Variants in EPB41L2 observed in about 807,000 individuals in gnomAD.
The protein encoded by EPB41L2 is band 4.1-like protein 2.
EPB41L2 carries 43 observed loss-of-function variants against 113.0 expected under a neutral mutation model. The ratio of observed to expected loss-of-function variants is 0.38; its 90% CI spans 0.30 to 0.49. The LOEUF (loss-of-function observed/expected upper bound fraction) is 0.49, where lower values mean the gene tolerates loss of function less well. Ranked by LOEUF, EPB41L2 falls within the 20% of genes least tolerant of loss-of-function variation. EPB41L2 has a pLI of 0.95. For missense variants in EPB41L2, 1,147 were observed against 1,223.4 expected (o/e 0.94, Z 0.93); for synonymous variants, 442 against 436.7 (o/e 1.01, Z -0.15).
chr6:130,954,036 C>CTTTT (rs1816328530), intron 3 of EPB41L2, among the ~76,000 whole-genome samples: 19 of 45,516 alleles, frequency 4.2e-4, no homozygotes, highest in African/African-American at 1.0e-3. Context: ...TAGTCCTTTT[C>CTTTT]TTTCTTTTTT....
At chr6:131,052,194 C>A (rs546091153) in intron 1 of EPB41L2, among the ~76,000 whole-genome samples, 13 of 152,274 alleles carry the variant, frequency 8.5e-5, no homozygotes, top group Admixed American at 7.8e-4. Flanking sequence ...GCCTCAGCCT[C>A]CCGAAGTGCT....
rs1583323831 is a variant in EPB41L2 at position 130,908,747 on chromosome 6, T to C, written c.853+74A>G. The C allele has an allele frequency of 2.5e-6, 3 of 1,190,960 alleles. No homozygotes were observed. In the East Asian group the frequency reaches 7.1e-5, roughly 28 times the overall value. The allele number at this position is 1,190,960 out of a possible 1,614,324, so 73.8% of individuals were successfully genotyped here. ...AAATGCAAAATAGAACTGACCATTC[T>C]ATTACTGATCATTTATATCACAAAT... On this transcript the variant is annotated intron_variant, in intron 5 of 19. Coordinates refer to ENST00000337057, the MANE Select transcript of EPB41L2 (RefSeq NM_001431.4).
At chr6:130,847,436 C>T (rs1777377218) in intron 19 of EPB41L2, among the ~76,000 whole-genome samples, 1 of 152,108 alleles carries the variant, frequency 6.6e-6, no homozygotes, top group African/African-American at 2.4e-5. Flanking sequence ...ACATAACAGG[C>T]TCATAATATA....
At chr6:130,869,329 C>T (rs1784886921) in intron 15 of EPB41L2, among the ~76,000 whole-genome samples, 1 of 152,140 alleles carries the variant, frequency 6.6e-6, no homozygotes, top group African/African-American at 2.4e-5. Context: ...TGATGTGGTG[C>T]TTCTAGGAAA....
chr6:131,027,221 G>GT lies in EPB41L2; in HGVS notation c.-15+35933dup, dbSNP rs534725047. Among the ~76,000 whole-genome samples, 223 of 152,188 alleles carry GT rather than the reference G, an allele frequency of 1.5e-3. 1 individual carries two copies. The highest frequency in any genetic ancestry group is 2.5e-3 in the Non-Finnish European group (171 of 68,006). ...ATCAGGGCTGGGTTTGGAGTTATTG[G>GT]TTTTTTTGTTTGTTTTTTTGTCTTT... On this transcript the variant is annotated intron_variant, in intron 1 of 19. Coordinates refer to ENST00000337057, the MANE Select transcript of EPB41L2 (RefSeq NM_001431.4).
chr6:131,034,739 C>T (rs1792947258), intron 1 of EPB41L2, among the ~76,000 whole-genome samples: 1 of 152,126 alleles, frequency 6.6e-6, no homozygotes, highest in African/African-American at 2.4e-5. Context: ...GTCCTGAAAA[C>T]TATACTTGAA....
At chr6:130,917,451 C>T (rs1338083511) in intron 4 of EPB41L2, among the ~76,000 whole-genome samples, 1 of 152,098 alleles carries the variant, frequency 6.6e-6, no homozygotes, top group African/African-American at 2.4e-5. Flanking sequence ...GTTCCTCATC[C>T]TCCACCATCC....
In EPB41L2 at chr6:130,863,368, G is replaced by A. The variant is rs116553956; in HGVS notation, c.2910+270C>T. Among the ~76,000 whole-genome samples, 827 of 152,180 alleles carry A rather than the reference G, an allele frequency of 5.4e-3. 8 individuals carry two copies. The highest frequency in any genetic ancestry group is 0.017 in the African/African-American group (721 of 41,522). On this transcript the variant is annotated intron_variant, in intron 18 of 19. Coordinates refer to ENST00000337057, the MANE Select transcript of EPB41L2 (RefSeq NM_001431.4). Reference sequence around the variant, plus strand: ...ACTTGCCTTTAAACCAGGCCCACACGAATCTTATGTTTTCCAGAAATCCTC... The same window carrying A: ...ACTTGCCTTTAAACCAGGCCCACACAAATCTTATGTTTTCCAGAAATCCTC...
intron 8 of EPB41L2, among the ~76,000 whole-genome samples, chr6:130,897,012 A>C (rs968213437): frequency 3.9e-5 from 6 of 152,050 alleles, no homozygotes; most frequent in Non-Finnish European, 5.9e-5. Context: ...GGCCCTCTCC[A>C]CACATATCTC....
At chr6:131,005,094 A>G (rs1309615293) in intron 1 of EPB41L2, among the ~76,000 whole-genome samples, 1 of 152,222 alleles carries the variant, frequency 6.6e-6, no homozygotes. Flanking sequence ...ATACATTTAA[A>G]GTAGTCAAGA....
At chr6:130,897,135 TG>T (rs1794910556) in intron 8 of EPB41L2, among the ~76,000 whole-genome samples, 1 of 152,142 alleles carries the variant, frequency 6.6e-6, no homozygotes, top group Non-Finnish European at 1.5e-5. Context: ...GCTTCTCTTA[TG>T]GTTTCTCTGC....
In EPB41L2 at chr6:130,899,563, T is replaced by C. The variant is rs759132312; in HGVS notation, c.1164A>G (p.Ala388=). The C allele has an allele frequency of 4.3e-6, 7 of 1,613,768 alleles. No homozygotes were observed. In the African/African-American group the frequency reaches 9.3e-5, roughly 22 times the overall value. Residue 388 remains alanine (A), a synonymous_variant, in exon 8 of 20, where the codon GCA becomes GCG. Transcript: ENST00000337057. ...TTTCTAAGAACTGGGAATCAGCTTG[T>C]GCTGGCGATAAGCCCCTGAGAATCA... ...LHKTHRGLSP[A]QADSQFLENA...
intron 1 of EPB41L2, among the ~76,000 whole-genome samples, chr6:130,973,159 G>T (rs12529894): frequency 0.097 from 14,745 of 151,844 alleles, 854 homozygotes; most frequent in Admixed American, 0.14. Context: ...CTTGATGGAA[G>T]TCTTCACTTC....
At chr6:130,902,094 TA>T (rs1463142217) in intron 6 of EPB41L2, among the ~76,000 whole-genome samples, 1 of 152,256 alleles carries the variant, frequency 6.6e-6, no homozygotes, top group Non-Finnish European at 1.5e-5. Context: ...TTCTACTCTT[TA>T]ACTTCACCAC....
At chr6:130,905,089 A>G (rs1475573336) in intron 5 of EPB41L2, among the ~76,000 whole-genome samples, 1 of 152,162 alleles carries the variant, frequency 6.6e-6, no homozygotes, top group African/African-American at 2.4e-5. Context: ...AGGACAATAC[A>G]ATTATTTCCC....
At chr6:131,039,270 G>T (rs1286180693) in intron 1 of EPB41L2, among the ~76,000 whole-genome samples, 1 of 152,020 alleles carries the variant, frequency 6.6e-6, no homozygotes, top group African/African-American at 2.4e-5. Context: ...ACTTCCTCTG[G>T]GTATGGACTT....
intron 1 of EPB41L2, among the ~76,000 whole-genome samples, chr6:131,023,021 T>G (rs1307190510): frequency 6.6e-6 from 1 of 152,226 alleles, no homozygotes; most frequent in African/African-American, 2.4e-5. Context: ...AATATATGTT[T>G]GTTGAATAAA....
rs1005639506 is a variant in EPB41L2, at chr6:130,859,416, G to A, written c.2911-1173C>T. Among the ~76,000 whole-genome samples, 6 of 152,004 alleles carry A rather than the reference G, an allele frequency of 3.9e-5. No individual in the cohort carries two copies. The East Asian group carries it at 1.2e-3, about 30-fold the overall frequency. On this transcript the variant is annotated intron_variant, in intron 18 of 19. Coordinates refer to ENST00000337057, the MANE Select transcript of EPB41L2 (RefSeq NM_001431.4). ...AATCCCAGCTACTTAGGTGGCTGAG[G>A]CAGGAGAATTGCCTGAACCGGGAAG...
chr6:130,959,786 G>A (rs964976567), intron 1 of EPB41L2, among the ~76,000 whole-genome samples: 4 of 152,132 alleles, frequency 2.6e-5, no homozygotes, highest in Non-Finnish European at 5.9e-5. Flanking sequence ...TACATTCTGA[G>A]AGCTGAATAA....
Sources: allele counts gnomAD v4.1 joint callset (sites outside exome capture counted in the v4.1 genomes callset), GRCh38; gene constraint gnomAD v4.1.1; transcripts MANE v1.5; gene names NCBI Gene and HGNC (gene_info 2026-07-23, HGNC 2026-07-21).